The following DOCK6 variants were observed in gnomAD, a reference collection of about 807,000 sequenced individuals.
DOCK6 encodes the protein dedicator of cytokinesis protein 6.
In DOCK6, 167 loss-of-function variants were observed where a neutral mutation model predicts 230.3. The ratio of observed to expected loss-of-function variants is 0.73; its 90% CI spans 0.64 to 0.82. The LOEUF (loss-of-function observed/expected upper bound fraction) is 0.82. Among genes scored for constraint, DOCK6 ranks in the 40% least tolerant of loss-of-function variants. DOCK6 has a pLI of 0.00. For synonymous variants in DOCK6, 1,148 were observed against 1,185.0 expected, an observed-to-expected ratio of 0.97 and a Z score of 0.64; for missense variants, 2,598 against 2,825.8, an observed-to-expected ratio of 0.92 and a Z score of 1.83.
In DOCK6 at chr19:11,214,598, G is replaced by A. The variant is rs368169906; in HGVS notation, c.4158C>T (p.Thr1386=). 16 of 1,613,648 alleles carry A rather than the reference G, an allele frequency of 9.9e-6. No homozygotes were observed. The highest frequency in any genetic ancestry group is 2.2e-5 in the East Asian group (1 of 44,890). Residue 1386 remains threonine (T), a synonymous_variant, in exon 33 of 48, where the codon ACC becomes ACT. Transcript: ENST00000294618. ...HEALVEGNLA[T]EASLVVLDTL... ...TGTCCAGAACCACTAGGCTTGCCTC[G>A]GTTGCCAGGTTCCCTTCCACCAAGG...
At chr19:11,199,832 A>G (rs553682322) in intron 47 of DOCK6, among the ~76,000 whole-genome samples, 129 of 152,234 alleles carry the variant, frequency 8.5e-4, no homozygotes, top group Non-Finnish European at 1.6e-3. Context: ...TGGATGACAT[A>G]TTCAGATGCT....
Position 11,200,463 on chromosome 19 carries a change from C to T in DOCK6, c.5946G>A (p.Glu1982=), listed in dbSNP as rs1449091286. Residue 1982 remains glutamate (E), a synonymous_variant, in exon 47 of 48, where the codon GAG becomes GAA. Transcript: ENST00000294618. The surrounding 1 kb of genome is among the most constrained non-coding windows in gnomAD (Gnocchi z 4.3). ...LCFKDFCKKC[E]DALRKNKALI... ...GGGCCTTATTTTTCCGCAGCGCATC[C>T]TCACATCTGAGGGCCAGAGGGTGGG... is the stretch of plus-strand genomic sequence containing the variant. 1 of 1,610,276 alleles carries T rather than the reference C, an allele frequency of 6.2e-7. No individual in the cohort carries two copies. Among genetic ancestry groups the T allele is most frequent in the East Asian group, 2.2e-5 (1 of 44,730 alleles).
rs1430058298 is a variant in DOCK6 at position 11,202,547 on chromosome 19, C to T, written c.5361+37G>A. ...GCCCCTACTCCAGCCCCAAGGCAGCCCCATGCCCCGTTCCACCCCCAACCA... is the reference window on the plus strand; with the variant it reads ...GCCCCTACTCCAGCCCCAAGGCAGCTCCATGCCCCGTTCCACCCCCAACCA... On this transcript the variant is annotated intron_variant, in intron 42 of 47. Coordinates refer to ENST00000294618, the MANE Select transcript of DOCK6 (RefSeq NM_020812.4). The surrounding 1 kb of genome is among the most constrained non-coding windows in gnomAD (Gnocchi z 5.3). The T allele has an allele frequency of 1.2e-6, 2 of 1,613,924 alleles. No individual in the cohort carries two copies. The highest frequency in any genetic ancestry group is 2.2e-5 in the East Asian group (1 of 44,880).
At chr19:11,218,052 A>G (rs1258548920) in intron 28 of DOCK6, among the ~76,000 whole-genome samples, 2 of 151,882 alleles carry the variant, frequency 1.3e-5, no homozygotes, top group Middle Eastern at 3.2e-3. Context: ...GGGTTTCACC[A>G]TGTTGGCCAG....
intron 24 of DOCK6, among the ~76,000 whole-genome samples, chr19:11,225,860 G>C (rs1960924572): frequency 8.0e-6 from 1 of 125,288 alleles, no homozygotes; most frequent in Non-Finnish European, 1.6e-5. Flanking sequence ...GTGAGACCCT[G>C]ACTCTACTAA....
Position 11,212,111 on chromosome 19 carries a change from G to C in DOCK6, c.4532C>G (p.Ser1511Trp). The change falls in exon 36 of 48, where the codon TCG becomes TGG. Residue 1511 changes from serine (S) to tryptophan (W), a missense_variant. Coordinates refer to ENST00000294618, the MANE Select transcript of DOCK6 (RefSeq NM_020812.4). ...GTTCTGCGTCGTCCCCACCAGGGAC[G>C]AGAGAGACATGGTGACCTGCATCTT... ...RVKMQVTMSL[S>W]SLVGTTQNFS... 6.2e-7 allele frequency: 1 copy of C among 1,612,086 alleles called. No homozygotes were observed. The highest frequency in any genetic ancestry group is 8.5e-7 in the Non-Finnish European group (1 of 1,179,614).
chr19:11,202,452 ACGT>A lies in DOCK6; in HGVS notation c.5390_5392del (p.Asp1797del), dbSNP rs1202269570. The A allele has an allele frequency of 6.2e-7, 1 of 1,613,538 alleles. No individual in the cohort carries two copies. The highest frequency in any genetic ancestry group is 8.5e-7 in the Non-Finnish European group (1 of 1,179,646). ...GTTAGAGTCTTTGATAATCTCAACGACGTCGTCGCCAAATCTCTCCGTGTAGAA... is the reference window on the plus strand; with the variant it reads ...GTTAGAGTCTTTGATAATCTCAACGACGTCGCCAAATCTCTCCGTGTAGAA... On this transcript the variant is annotated inframe_deletion, in exon 43 of 48. Transcript: ENST00000294618. This position sits in a 1 kb window ranked among gnomAD's most constrained non-coding sequence, Gnocchi z 5.3.
intron 21 of DOCK6, among the ~76,000 whole-genome samples, chr19:11,234,649 C>A (rs972872136): frequency 4.6e-5 from 7 of 151,996 alleles, no homozygotes; most frequent in African/African-American, 1.7e-4. Flanking sequence ...GAAAAACAGG[C>A]TCAGAGAAGT....
At chr19:11,260,688 G>A (rs2080270312) in intron 1 of DOCK6, among the ~76,000 whole-genome samples, 1 of 151,304 alleles carries the variant, frequency 6.6e-6, no homozygotes, top group Non-Finnish European at 1.5e-5. Context: ...TTCGTGACCA[G>A]CCTGGTCAAC....
Position 11,214,388 on chromosome 19 carries a change from G to A in DOCK6, c.4225C>T (p.Arg1409Trp), listed in dbSNP as rs779004684. The change falls in exon 34 of 48, where the codon CGG becomes TGG. Residue 1409 changes from arginine to tryptophan, a missense_variant. Arg to Trp is a moderately radical substitution (Grantham distance 101). Transcript: ENST00000294618. ...IVQTVMLSEA[R>W]ESVLGAVLKV... ...AGCACTGCCCCCAAGACGCTCTCCCGGGCTTCTGAAAGCATCACCGTCTGG... is the reference window on the plus strand; with the variant it reads ...AGCACTGCCCCCAAGACGCTCTCCCAGGCTTCTGAAAGCATCACCGTCTGG... 1.1e-5 allele frequency: 18 copies of A among 1,613,536 alleles called. No homozygotes were observed. The highest frequency in any genetic ancestry group is 6.7e-5 in the East Asian group (3 of 44,896).
chr19:11,218,083 C>T (rs2079522783), intron 28 of DOCK6, among the ~76,000 whole-genome samples: 1 of 152,048 alleles, frequency 6.6e-6, no homozygotes, highest in Non-Finnish European at 1.5e-5. Context: ...AACTCCTGAC[C>T]TTGTGATCTG....
At chr19:11,252,449 G>A (rs767977161) in intron 4 of DOCK6, 33 bp downstream of exon 4, 62 of 1,612,606 alleles carry the variant, frequency 3.8e-5, no homozygotes, top group Middle Eastern at 3.3e-4. Flanking sequence ...TTTGGGTTCC[G>A]AACCCCCTGA....
intron 39 of DOCK6, among the ~76,000 whole-genome samples, chr19:11,206,845 T>G (rs1232837672): frequency 9.3e-5 from 14 of 151,028 alleles, no homozygotes; most frequent in South Asian, 6.3e-4. Flanking sequence ...TTTTTTTTTT[T>G]TTGTTTTTTG....
chr19:11,215,606 G>T, intron 31 of DOCK6, 135 bp from the exon 32 acceptor site: 2 of 1,273,442 alleles, frequency 1.6e-6, no homozygotes, highest in East Asian at 2.5e-5. Flanking sequence ...AAGCCTGCCG[G>T]GTGGACGCAC....
Position 11,217,021 on chromosome 19 carries a change from T to G in DOCK6, c.3787A>C (p.Asn1263His). 6.2e-7 allele frequency: 1 copy of G among 1,613,496 alleles called. No homozygotes were observed. The highest frequency in any genetic ancestry group is 8.5e-7 in the Non-Finnish European group (1 of 1,179,872). The stretch of plus-strand genomic sequence containing the variant: ...CGCTGCAGGAGCGCCGGCTCGGTGT[T>G]TTTCAGCACCCACAGCACACACGCC... ...LLACVLWVLK[N>H]TEPALLQRWA... Residue 1263 changes from asparagine (N) to histidine (H), a missense_variant, in exon 30 of 48, where the codon AAC (asparagine) becomes CAC (histidine). Physicochemically the swap from Asn to His is moderately conservative, Grantham distance 68. Coordinates refer to ENST00000294618, the MANE Select transcript of DOCK6 (RefSeq NM_020812.4).
rs774079594 is a variant in DOCK6 at position 11,200,729 on chromosome 19, C to T, written c.5926G>A (p.Asp1976Asn). The change falls in exon 46 of 48, where the codon GAC becomes AAC. Residue 1976 changes from aspartate to asparagine, a missense_variant. Asp to Asn is a conservative substitution (Grantham distance 23). Transcript: ENST00000294618. This position sits in a 1 kb window ranked among gnomAD's most constrained non-coding sequence, Gnocchi z 4.3. The stretch of plus-strand genomic sequence containing the variant: ...TTTTGCGCCTACTTCTTGCAGAAGT[C>T]CTTGAAGCAGAGCCGCAATTTGTTG... Reference protein sequence around the residue: ...HHNKLRLCFKDFCKKCEDALR... With the variant: ...HHNKLRLCFKNFCKKCEDALR... 1.6e-5 allele frequency: 26 copies of T among 1,613,116 alleles called. No homozygotes were observed. The highest frequency in any genetic ancestry group is 2.2e-5 in the Non-Finnish European group (26 of 1,179,604).
chr19:11,248,219 GC>G, intron 6 of DOCK6, 68 bp from the exon 7 acceptor site: 1 of 1,287,622 alleles, frequency 7.8e-7, no homozygotes, highest in Non-Finnish European at 1.1e-6. Context: ...GGTCTGGAAT[GC>G]CCAGCCTCAG....
intron 14 of DOCK6, chr19:11,241,428 C>T: frequency 2.0e-6 from 3 of 1,524,866 alleles, no homozygotes; most frequent in East Asian, 2.5e-5. Context: ...CTGAGGTTTC[C>T]ATTCTGACCC....
intron 22 of DOCK6, among the ~76,000 whole-genome samples, chr19:11,231,256 T>C (rs1016044655): frequency 1.3e-5 from 2 of 152,120 alleles, no homozygotes; most frequent in African/African-American, 4.8e-5. Context: ...GTCCCAATAT[T>C]TGTACATGCC....
Sources: allele counts gnomAD v4.1 joint callset (sites outside exome capture counted in the v4.1 genomes callset), GRCh38; gene constraint gnomAD v4.1.1; non-coding constraint Gnocchi (gnomAD v3.1); transcripts MANE v1.5; gene names NCBI Gene and HGNC (gene_info 2026-07-23, HGNC 2026-07-21).